Variants in KCNIP4 observed in about 807,000 individuals in gnomAD.
The protein encoded by KCNIP4 is Kv channel-interacting protein 4.
Under a neutral mutation model 34.0 loss-of-function variants are expected in KCNIP4, and 12 were observed. The observed-to-expected ratio is 0.35, with a 90% CI of 0.23 to 0.57. The LOEUF is 0.57. Among genes scored for constraint, KCNIP4 ranks in the 20% least tolerant of loss-of-function variants. KCNIP4 has a pLI of 0.83. For synonymous variants in KCNIP4, 124 were observed against 102.2 expected (o/e 1.21, Z -1.29); for missense variants, 238 against 311.7 (o/e 0.76, Z 1.78).
At chr4:21,051,696 A>G (rs1742948134) in intron 1 of KCNIP4, among the ~76,000 whole-genome samples, 1 of 152,186 alleles carries the variant, frequency 6.6e-6, no homozygotes, top group Admixed American at 6.5e-5. Context: ...CCTTTAATTT[A>G]TTAAATAAAA....
intron 1 of KCNIP4, among the ~76,000 whole-genome samples, chr4:21,875,220 A>G (rs1726040678): frequency 6.6e-6 from 1 of 152,164 alleles, no homozygotes; most frequent in African/African-American, 2.4e-5. Context: ...TCCTGAGTTC[A>G]TGCCCTTTCC....
chr4:21,220,526 T>C (rs1172652200), intron 1 of KCNIP4, among the ~76,000 whole-genome samples: 1 of 152,100 alleles, frequency 6.6e-6, no homozygotes, highest in Non-Finnish European at 1.5e-5. Context: ...ACCTGCACGT[T>C]GTGCAAATGT....
chr4:20,746,981 A>T (rs1042155452), intron 5 of KCNIP4, among the ~76,000 whole-genome samples: 1 of 152,214 alleles, frequency 6.6e-6, no homozygotes, highest in African/African-American at 2.4e-5. Context: ...TAGAAAAGTA[A>T]CTGCAACAGC....
intron 1 of KCNIP4, among the ~76,000 whole-genome samples, chr4:20,992,354 A>C (rs1560628681): frequency 6.6e-6 from 1 of 152,130 alleles, no homozygotes; most frequent in Non-Finnish European, 1.5e-5. Flanking sequence ...ACTCATTATC[A>C]TGAGAACAGC....
chr4:21,684,159 G>T (rs1750633094), intron 1 of KCNIP4, among the ~76,000 whole-genome samples: 2 of 152,150 alleles, frequency 1.3e-5, no homozygotes, highest in South Asian at 4.1e-4. Context: ...CATAAAAAAT[G>T]CTTACTTTAA....
chr4:21,849,934 T>A (rs1724270734), intron 1 of KCNIP4: 1 of 152,030 alleles, frequency 6.6e-6, no homozygotes, highest in Non-Finnish European at 1.5e-5. Context: ...AATGTAACTA[T>A]AATGGCAAAG....
At chr4:20,945,331 C>T (rs563912395) in intron 1 of KCNIP4, among the ~76,000 whole-genome samples, 12 of 152,276 alleles carry the variant, frequency 7.9e-5, no homozygotes, top group African/African-American at 2.9e-4. Flanking sequence ...TCCAGAACAT[C>T]CCACAGCAGG....
At chr4:21,114,059 T>C in intron 1 of KCNIP4, among the ~76,000 whole-genome samples, 1 of 152,186 alleles carries the variant, frequency 6.6e-6, no homozygotes, top group Non-Finnish European at 1.5e-5. Flanking sequence ...CGTAGCCTGT[T>C]TCCTATCCCT....
chr4:20,850,673 G>A lies in KCNIP4; in HGVS notation c.164-6C>T, dbSNP rs376825914. ...CAGTTCATCTTCCACGCTGTCTGTG[G>A]AGGAAAACAAGAAAGAGTCTTAGGA... On this transcript the variant is annotated splice_region_variant and splice_polypyrimidine_tract_variant and intron_variant, in intron 2 of 8. Coordinates refer to ENST00000382152, the MANE Select transcript of KCNIP4 (RefSeq NM_025221.6). The A allele has an allele frequency of 7.4e-6, 12 of 1,610,896 alleles. No individual in the cohort carries two copies. Among genetic ancestry groups the A allele is most frequent in the Non-Finnish European group, 9.3e-6 (11 of 1,179,142 alleles).
At chr4:20,746,257 C>T (rs1752395641) in intron 5 of KCNIP4, among the ~76,000 whole-genome samples, 1 of 151,936 alleles carries the variant, frequency 6.6e-6, no homozygotes, top group African/African-American at 2.4e-5. Context: ...TCATTCTCAG[C>T]AAACTATCAT....
At chr4:21,330,636 C>G (rs1715533971) in intron 1 of KCNIP4, among the ~76,000 whole-genome samples, 1 of 152,004 alleles carries the variant, frequency 6.6e-6, no homozygotes, top group African/African-American at 2.4e-5. Context: ...AATTGAAACC[C>G]TATAGAGCAT....
chr4:21,710,712 C>G (rs1171588954), intron 1 of KCNIP4, among the ~76,000 whole-genome samples: 6 of 152,230 alleles, frequency 3.9e-5, no homozygotes, highest in Admixed American at 3.9e-4. Flanking sequence ...GTTGGGCAAG[C>G]TGCTTCAGGT....
At chr4:21,722,545 A>T (rs1480583306) in intron 1 of KCNIP4, among the ~76,000 whole-genome samples, 2 of 152,124 alleles carry the variant, frequency 1.3e-5, no homozygotes, top group African/African-American at 2.4e-5. Flanking sequence ...CTCAGCCAAA[A>T]GTTTTCTTAC....
At chr4:20,752,258 C>T (rs1348572188) in intron 4 of KCNIP4, among the ~76,000 whole-genome samples, 3 of 151,904 alleles carry the variant, frequency 2.0e-5, no homozygotes, top group Admixed American at 6.6e-5. Flanking sequence ...AGGGTTTCAT[C>T]ACGTTGGCCA....
chr4:21,916,468 G>A (rs977177168), intron 1 of KCNIP4, among the ~76,000 whole-genome samples: 1 of 152,086 alleles, frequency 6.6e-6, no homozygotes, highest in Non-Finnish European at 1.5e-5. Context: ...AAAATTTAGG[G>A]TATGGGATTA....
intron 1 of KCNIP4, among the ~76,000 whole-genome samples, chr4:21,183,165 G>A (rs535546268): frequency 1.1e-4 from 17 of 152,206 alleles, no homozygotes; most frequent in African/African-American, 3.4e-4. Context: ...GTACCTACAT[G>A]TTGTTGTAAA....
chr4:20,931,067 C>T (rs1346090149), intron 1 of KCNIP4, among the ~76,000 whole-genome samples: 1 of 151,878 alleles, frequency 6.6e-6, no homozygotes, highest in Non-Finnish European at 1.5e-5. Flanking sequence ...AAATCATCAC[C>T]TTGTAAAGAT....
rs374450822 is a variant in KCNIP4, at chr4:21,322,626, G to A, written c.62-439917C>T. Among the ~76,000 whole-genome samples the A allele has an allele frequency of 5.3e-4, 81 of 152,012 alleles. 1 individual carries two copies. The South Asian group carries it at 0.015, about 29-fold the overall frequency. ...CTTCTAAAGGAGTCCTTCCTGCTTCGTTCTTCTACTGTATAAATGGTGACA... is the reference window on the plus strand; with the variant it reads ...CTTCTAAAGGAGTCCTTCCTGCTTCATTCTTCTACTGTATAAATGGTGACA... On this transcript the variant is annotated intron_variant, in intron 1 of 8. Transcript: ENST00000382152.
intron 1 of KCNIP4, among the ~76,000 whole-genome samples, chr4:21,171,732 T>C (rs1754034763): frequency 6.6e-6 from 1 of 152,184 alleles, no homozygotes; most frequent in Admixed American, 6.5e-5. Context: ...ATAGTCATAG[T>C]TAGCTCCATG....
Sources: allele counts gnomAD v4.1 joint callset (sites outside exome capture counted in the v4.1 genomes callset), GRCh38; gene constraint gnomAD v4.1.1; transcripts MANE v1.5; gene names NCBI Gene and HGNC (gene_info 2026-07-23, HGNC 2026-07-21).